CAMK1D: variants seen among roughly 807,000 people sequenced by gnomAD.
CAMK1D encodes the protein calcium/calmodulin-dependent protein kinase type 1D.
Under a neutral mutation model 47.7 loss-of-function variants are expected in CAMK1D, and 9 were observed. The ratio of observed to expected loss-of-function variants is 0.19; its 90% CI spans 0.11 to 0.33. The LOEUF (loss-of-function observed/expected upper bound fraction) is 0.33, where lower values mean the gene tolerates loss of function less well. Among genes scored for constraint, CAMK1D ranks in the 10% least tolerant of loss-of-function variants. CAMK1D has a pLI of 1.00. For missense variants in CAMK1D, 291 were observed against 488.7 expected, an observed-to-expected ratio of 0.60 and a Z score of 3.81; for synonymous variants, 184 against 184.9, an observed-to-expected ratio of 0.99 and a Z score of 0.04.
rs186631777 is a variant in CAMK1D, at chr10:12,515,874, G to A, written c.93-37351G>A. Among the ~76,000 whole-genome samples the A allele has an allele frequency of 6.7e-3, 1,018 of 152,072 alleles. 16 individuals are homozygous for A. The highest frequency in any genetic ancestry group is 0.025 in the Admixed American group (380 of 15,282). On this transcript the variant is annotated intron_variant, in intron 1 of 10. Coordinates refer to ENST00000619168, the MANE Select transcript of CAMK1D (RefSeq NM_153498.4). ...GATCCCCCTGCCTCGGCCTCCCAAA[G>A]CGTTGGGATTACAGGCGTGAGCCAC...
chr10:12,780,989 G>T (rs1474111567), intron 5 of CAMK1D, among the ~76,000 whole-genome samples: 1 of 152,218 alleles, frequency 6.6e-6, no homozygotes, highest in Non-Finnish European at 1.5e-5. Context: ...CTGACTCATC[G>T]CACGTGGGCG....
chr10:12,690,514 G>A (rs1042248414), intron 3 of CAMK1D, among the ~76,000 whole-genome samples: 5 of 152,164 alleles, frequency 3.3e-5, no homozygotes, highest in African/African-American at 1.2e-4. Context: ...AAGTGCCTGT[G>A]TAGTAGATAA....
chr10:12,614,504 A>T (rs1007380918), intron 2 of CAMK1D, among the ~76,000 whole-genome samples: 2 of 152,272 alleles, frequency 1.3e-5, no homozygotes, highest in African/African-American at 4.8e-5. Flanking sequence ...ACAAAGTGCT[A>T]AATACGTATT....
chr10:12,522,882 C>T (rs1262370741), intron 1 of CAMK1D, among the ~76,000 whole-genome samples: 3 of 86,702 alleles, frequency 3.5e-5, no homozygotes, highest in African/African-American at 1.5e-4. Flanking sequence ...TGACCCCCCA[C>T]CTCCCTCCCG....
At chr10:12,779,580 C>G (rs897468383) in intron 5 of CAMK1D, among the ~76,000 whole-genome samples, 5 of 152,152 alleles carry the variant, frequency 3.3e-5, no homozygotes, top group Non-Finnish European at 7.3e-5. Context: ...CAGGTGCACA[C>G]CACCACACCT....
chr10:12,755,826 C>T lies in CAMK1D; in HGVS notation c.300-5122C>T, dbSNP rs572179493. On this transcript the variant is annotated intron_variant, in intron 3 of 10. Transcript: ENST00000619168. Reference sequence around the variant, plus strand: ...TGTTTGCAGCCTTTCTTCATCACAGCCTACAGATTTCAAGAGTATCTTCCC... The same window carrying T: ...TGTTTGCAGCCTTTCTTCATCACAGTCTACAGATTTCAAGAGTATCTTCCC... Among the ~76,000 whole-genome samples, 10 of 152,220 alleles carry T rather than the reference C, an allele frequency of 6.6e-5. No homozygotes were observed. In the East Asian group the frequency reaches 1.9e-3, roughly 29 times the overall value.
intron 2 of CAMK1D, among the ~76,000 whole-genome samples, chr10:12,596,826 A>AT (rs927840886): frequency 4.8e-5 from 7 of 145,222 alleles, no homozygotes; most frequent in Non-Finnish European, 6.1e-5. Context: ...TCCCACCCAC[A>AT]TTTTTTTTTT....
At chr10:12,701,954 G>A (rs1339605403) in intron 3 of CAMK1D, among the ~76,000 whole-genome samples, 3 of 152,214 alleles carry the variant, frequency 2.0e-5, no homozygotes, top group Non-Finnish European at 2.9e-5. Context: ...GAAGGGAAAA[G>A]GAAATGAGTA....
intron 1 of CAMK1D, among the ~76,000 whole-genome samples, chr10:12,489,091 G>A (rs752669779): frequency 6.6e-6 from 1 of 152,030 alleles, no homozygotes; most frequent in Non-Finnish European, 1.5e-5. Flanking sequence ...GCCCGCCACC[G>A]TGCCTGGCTA....
At chr10:12,473,088 A>G (rs1289426140) in intron 1 of CAMK1D, among the ~76,000 whole-genome samples, 5 of 152,126 alleles carry the variant, frequency 3.3e-5, no homozygotes, top group East Asian at 1.9e-4. Flanking sequence ...TGCTGGGCCA[A>G]TGTGGGGCAG....
At chr10:12,670,198 G>A (rs1840569863) in intron 3 of CAMK1D, among the ~76,000 whole-genome samples, 1 of 138,812 alleles carries the variant, frequency 7.2e-6, no homozygotes, top group African/African-American at 2.7e-5. Flanking sequence ...TAGCCCTTGA[G>A]ATTTTCACTT....
At chr10:12,722,446 CAAAAAAAAAAAAAA>C (rs55809900) in intron 3 of CAMK1D, among the ~76,000 whole-genome samples, 6 of 48,596 alleles carry the variant, frequency 1.2e-4, no homozygotes, top group Admixed American at 7.6e-4. Context: ...GACTCCGCCT[CAAAAAAAAAAAAAA>C]AAAAAAAAAA....
intron 1 of CAMK1D, among the ~76,000 whole-genome samples, chr10:12,514,184 A>T (rs1835119851): frequency 6.6e-6 from 1 of 152,214 alleles, no homozygotes. Context: ...CATAGCAACC[A>T]GCTGTTTTAT....
chr10:12,568,150 C>G (rs1452508705), intron 2 of CAMK1D, among the ~76,000 whole-genome samples: 1 of 108,916 alleles, frequency 9.2e-6, no homozygotes, highest in Non-Finnish European at 1.8e-5. Flanking sequence ...CCCTCTCTCC[C>G]TGTTTCCTTC....
At chr10:12,788,748 C>T (rs955454583) in intron 5 of CAMK1D, among the ~76,000 whole-genome samples, 2 of 152,244 alleles carry the variant, frequency 1.3e-5, no homozygotes, top group Non-Finnish European at 2.9e-5. Flanking sequence ...GAAATACGCT[C>T]TTAGCAGTCG....
chr10:12,613,550 A>G (rs1838693960), intron 2 of CAMK1D, among the ~76,000 whole-genome samples: 1 of 152,096 alleles, frequency 6.6e-6, no homozygotes, highest in Non-Finnish European at 1.5e-5. Flanking sequence ...GATATCTACC[A>G]ATTTGCAACC....
At chr10:12,696,503 C>T (rs1299965931) in intron 3 of CAMK1D, among the ~76,000 whole-genome samples, 1 of 152,144 alleles carries the variant, frequency 6.6e-6, no homozygotes, top group Non-Finnish European at 1.5e-5. Flanking sequence ...TGCCATTGCA[C>T]TCCAGCCTGG....
chr10:12,573,533 G>A (rs377434416), intron 2 of CAMK1D, among the ~76,000 whole-genome samples: 1 of 152,198 alleles, frequency 6.6e-6, no homozygotes, highest in African/African-American at 2.4e-5. Context: ...CTCACTTTCT[G>A]CAGTTCTGGC....
intron 2 of CAMK1D, among the ~76,000 whole-genome samples, chr10:12,651,265 C>CT (rs1363056239): frequency 6.6e-6 from 1 of 152,234 alleles, no homozygotes; most frequent in African/African-American, 2.4e-5. Flanking sequence ...AACTGTGGGA[C>CT]TTTAAACTGG....
Sources: allele counts gnomAD v4.1 joint callset (sites outside exome capture counted in the v4.1 genomes callset), GRCh38; gene constraint gnomAD v4.1.1; transcripts MANE v1.5; gene names NCBI Gene and HGNC (gene_info 2026-07-23, HGNC 2026-07-21).